The following GPR19 variants were observed in gnomAD, a reference collection of about 807,000 sequenced individuals.
GPR19 encodes the protein G protein-coupled receptor 19.
In GPR19, 14 loss-of-function variants were observed where a neutral mutation model predicts 28.5. The ratio of observed to expected loss-of-function variants is 0.49; its 90% CI spans 0.32 to 0.77. The LOEUF is 0.77. Ranked by LOEUF, GPR19 falls within the 30% of genes least tolerant of loss-of-function variation. The pLI, the probability that GPR19 is intolerant of heterozygous loss-of-function variation, is 0.03. For missense variants in GPR19, 409 were observed against 504.1 expected (o/e 0.81, Z 1.81); for synonymous variants, 173 against 184.1 (o/e 0.94, Z 0.49).
At chr12:12,673,696 G>A (rs546297487) in intron 3 of GPR19, among the ~76,000 whole-genome samples, 21 of 152,290 alleles carry the variant, frequency 1.4e-4, no homozygotes, top group Non-Finnish European at 2.9e-5. Context: ...AGCTTGTTAT[G>A]TGGCTACAGC....
chr12:12,700,584 C>A (rs1946316189), upstream of GPR19, among the ~76,000 whole-genome samples: 1 of 152,106 alleles, frequency 6.6e-6, no homozygotes, highest in South Asian at 2.1e-4. Context: ...GCAGGTCACT[C>A]AAAACCTTTG....
At chr12:12,670,558 G>A (rs1945841927) in intron 3 of GPR19, among the ~76,000 whole-genome samples, 1 of 152,112 alleles carries the variant, frequency 6.6e-6, no homozygotes, top group African/African-American at 2.4e-5. Context: ...AATATACACA[G>A]GACTTAGATG....
At chr12:12,669,143 G>C (rs185304198) in intron 3 of GPR19, 74 of 152,334 alleles carry the variant, frequency 4.9e-4, no homozygotes, top group African/African-American at 1.8e-3. Context: ...TGTTCAATAT[G>C]CTAGCTCAGA....
rs1945694942 is a variant in GPR19, at chr12:12,662,484, A to G, written c.-22-14T>C. ...TTTCTCTTAATTCTGGTTGGGGAAA[A>G]GAAGAATGAGGCCTCCTGTTAAAAA... On this transcript the variant is annotated splice_polypyrimidine_tract_variant and intron_variant, in intron 3 of 3. Coordinates refer to ENST00000651487, the MANE Select transcript of GPR19 (RefSeq NM_006143.3). The G allele has an allele frequency of 6.3e-7, 1 of 1,585,946 alleles. No homozygotes were observed. The highest frequency in any genetic ancestry group is 1.3e-5 in the African/African-American group (1 of 74,302).
At chr12:12,696,479 G>A (rs1409487111), upstream of GPR19, among the ~76,000 whole-genome samples, 4 of 151,846 alleles carry the variant, frequency 2.6e-5, no homozygotes, top group Non-Finnish European at 5.9e-5. Context: ...ATTTCTCTGG[G>A]GCCGAGGAAT....
At chr12:12,707,989 C>CTTTTTTTTTTTTTTTTTT in the GPR19 span, among the ~76,000 whole-genome samples, 1 of 62,442 alleles carries the variant, frequency 1.6e-5, no homozygotes, top group African/African-American at 5.7e-5. Flanking sequence ...ATTTCCTATT[C>CTTTTTTTTTTTTTTTTTT]TTTTTTTTTT....
At chr12:12,677,686 T>C (rs747819361) in intron 3 of GPR19, among the ~76,000 whole-genome samples, 1 of 152,196 alleles carries the variant, frequency 6.6e-6, no homozygotes, top group Non-Finnish European at 1.5e-5. Flanking sequence ...ACATGGATAA[T>C]ATATATATTC....
At chr12:12,677,793 G>A (rs925865713) in intron 3 of GPR19, among the ~76,000 whole-genome samples, 1 of 151,774 alleles carries the variant, frequency 6.6e-6, no homozygotes, top group African/African-American at 2.4e-5. Context: ...ACCTATGCTG[G>A]CTAGGCAGGG....
the GPR19 span, chr12:12,716,942 G>A: frequency 2.0e-6 from 2 of 985,122 alleles, no homozygotes; most frequent in African/African-American, 3.5e-5. Context: ...CGCCACCCCG[G>A]CTCCTAGCGA....
At chr12:12,706,035 A>G in the GPR19 span, among the ~76,000 whole-genome samples, 21,429 of 152,122 alleles carry the variant, frequency 0.14, 1,946 homozygotes, top group East Asian at 0.32. Flanking sequence ...CCTGATCAGA[A>G]CCCATCTACC....
chr12:12,712,626 G>A, the GPR19 span, among the ~76,000 whole-genome samples: 1 of 151,984 alleles, frequency 6.6e-6, no homozygotes, highest in Non-Finnish European at 1.5e-5. Flanking sequence ...CTTTCTCCTT[G>A]CTTTGTACTT....
At chr12:12,665,549 C>T (rs1945758026) in intron 3 of GPR19, among the ~76,000 whole-genome samples, 1 of 152,114 alleles carries the variant, frequency 6.6e-6, no homozygotes, top group African/African-American at 2.4e-5. Context: ...ATTAAGAAAA[C>T]AAAGATCGGC....
At chr12:12,664,221 C>G (rs1398655683) in intron 3 of GPR19, among the ~76,000 whole-genome samples, 2 of 152,120 alleles carry the variant, frequency 1.3e-5, no homozygotes, top group Non-Finnish European at 2.9e-5. Context: ...AACTCCTGAC[C>G]TCAAGTGATT....
chr12:12,697,867 C>T (rs2136341354), upstream of GPR19, among the ~76,000 whole-genome samples: 1 of 152,212 alleles, frequency 6.6e-6, no homozygotes, highest in East Asian at 1.9e-4. Flanking sequence ...AATTCCGCTC[C>T]ATTATCTAGA....
the GPR19 span, among the ~76,000 whole-genome samples, chr12:12,704,961 G>A: frequency 6.6e-6 from 1 of 152,146 alleles, no homozygotes; most frequent in African/African-American, 2.4e-5. Flanking sequence ...CCTGAGTTAT[G>A]GAAAAAGGCA....
rs576685745 is a variant in GPR19, at chr12:12,661,672, C to T, written c.777G>A (p.Thr259=). 1.9e-5 allele frequency: 31 copies of T among 1,613,904 alleles called. No homozygotes were observed. The highest frequency in any genetic ancestry group is 4.0e-5 in the African/African-American group (3 of 75,028). The change falls in exon 4 of 4, where the codon ACG becomes ACA. Residue 259 remains threonine, a synonymous_variant. Coordinates refer to ENST00000651487, the MANE Select transcript of GPR19 (RefSeq NM_006143.3). The surrounding 1 kb of genome is among the most constrained non-coding windows in gnomAD (Gnocchi z 4.2). Reference sequence around the variant, plus strand: ...GGACAATGTTCATTGTCCTCCTCACCGTTCGGCCATCTGTGCCTATTCTCC... The same window carrying T: ...GGACAATGTTCATTGTCCTCCTCACTGTTCGGCCATCTGTGCCTATTCTCC... ...YIWRIGTDGR[T]VRRTMNIVPR...
At chr12:12,683,584 A>G (rs1454081515) in intron 3 of GPR19, among the ~76,000 whole-genome samples, 1 of 152,238 alleles carries the variant, frequency 6.6e-6, no homozygotes, top group Non-Finnish European at 1.5e-5. Flanking sequence ...AAGGGTTGTT[A>G]TAAGGATTCA....
At chr12:12,710,223 C>T in the GPR19 span, among the ~76,000 whole-genome samples, 85,230 of 151,704 alleles carry the variant, frequency 0.56, 25,085 homozygotes, top group East Asian at 0.76. Flanking sequence ...CCTGGTGGCG[C>T]GCACCTCTAA....
At chr12:12,675,134 G>A (rs1945911420) in intron 3 of GPR19, among the ~76,000 whole-genome samples, 1 of 152,184 alleles carries the variant, frequency 6.6e-6, no homozygotes. Context: ...GCTCCTTGAG[G>A]CCTGGACTTA....
Sources: allele counts gnomAD v4.1 joint callset (sites outside exome capture counted in the v4.1 genomes callset), GRCh38; gene constraint gnomAD v4.1.1; non-coding constraint Gnocchi (gnomAD v3.1); transcripts MANE v1.5; gene names NCBI Gene and HGNC (gene_info 2026-07-23, HGNC 2026-07-21).